The following HACL1 variants were observed in gnomAD, a reference collection of about 807,000 sequenced individuals.
HACL1 encodes 2-hydroxyacyl-CoA lyase 1.
HACL1 carries 64 observed loss-of-function variants against 74.2 expected under a neutral mutation model. That is an observed-to-expected ratio of 0.86 (90% CI 0.70 to 1.06). HACL1 has a LOEUF of 1.06. HACL1 is among the 50% of genes least tolerant of loss of function. The pLI, the probability that HACL1 is intolerant of heterozygous loss-of-function variation, is 0.00. For missense variants in HACL1, 728 were observed against 719.7 expected, an observed-to-expected ratio of 1.01 and a Z score of -0.13; for synonymous variants, 230 against 238.8, an observed-to-expected ratio of 0.96 and a Z score of 0.34.
intron 3 of HACL1, among the ~76,000 whole-genome samples, chr3:15,592,046 C>A (rs1331356794): frequency 8.0e-6 from 1 of 124,810 alleles, no homozygotes; most frequent in Admixed American, 8.1e-5. Context: ...TATATACACA[C>A]ACTATATACG....
chr3:15,592,091 C>CGTATAT (rs1559560820), intron 3 of HACL1, among the ~76,000 whole-genome samples: 2 of 137,708 alleles, frequency 1.5e-5, no homozygotes, highest in African/African-American at 6.1e-5. Context: ...TATATATACA[C>CGTATAT]ACACTATATA....
chr3:15,579,928 A>G lies in HACL1; in HGVS notation c.785T>C (p.Val262Ala). 1 of 1,610,838 alleles carries G rather than the reference A, an allele frequency of 6.2e-7. No homozygotes were observed. The highest frequency in any genetic ancestry group is 1.1e-5 in the South Asian group (1 of 90,642). The change falls in exon 9 of 17, where the codon GTA becomes GCA. Residue 262 changes from valine to alanine, a missense_variant. By Grantham distance (64) the Val-to-Ala change is moderately conservative (BLOSUM62 0). Coordinates refer to ENST00000321169, the MANE Select transcript of HACL1 (RefSeq NM_012260.4). ...GVVPDNHPYCVGAARSRALQF... is the reference protein window; with the variant it reads ...GVVPDNHPYCAGAARSRALQF... The stretch of plus-strand genomic sequence containing the variant: ...CACACACCTGGATCTGGCTGCACCT[A>G]CACAGTATGGATGGTTGTCAGGGAC...
intron 7 of HACL1, among the ~76,000 whole-genome samples, chr3:15,584,390 C>A (rs1446115209): frequency 1.3e-5 from 2 of 152,114 alleles, no homozygotes; most frequent in African/African-American, 4.8e-5. Flanking sequence ...GAGTTCGAGA[C>A]CAGCCTGGCC....
intron 9 of HACL1, among the ~76,000 whole-genome samples, chr3:15,577,557 T>G (rs2063648539): frequency 6.6e-6 from 1 of 150,716 alleles, no homozygotes; most frequent in Admixed American, 6.6e-5. Flanking sequence ...TTGCGAGGCC[T>G]AGAAGGGTGG....
At chr3:15,591,366 G>C (rs906739215) in intron 4 of HACL1, among the ~76,000 whole-genome samples, 2 of 151,940 alleles carry the variant, frequency 1.3e-5, no homozygotes, top group East Asian at 1.9e-4. Context: ...TTGTACATTA[G>C]ATCTCCAGGC....
At chr3:15,592,357 T>C (rs2063939023) in intron 3 of HACL1, among the ~76,000 whole-genome samples, 1 of 137,086 alleles carries the variant, frequency 7.3e-6, no homozygotes, top group Admixed American at 6.9e-5. Flanking sequence ...ATACTCTATA[T>C]ATATGTATAC....
Position 15,573,188 on chromosome 3 carries a change from G to C in HACL1, c.964C>G (p.Leu322Val). The change falls in exon 11 of 17, where the codon CTA (leucine) becomes GTA (valine). Residue 322 changes from leucine (L) to valine (V), a missense_variant. Physicochemically the swap from Leu to Val is conservative, Grantham distance 32. Transcript: ENST00000321169. The stretch of plus-strand genomic sequence containing the variant: ...TTAGTGACAGCATGTATGTTTCCTA[G>C]CAAAGTAACAGCGGGCTTTACATTA... ...GNNVKPAVTL[L>V]GNIHAVTKQL... is the part of the protein sequence containing the mutation. 6.2e-7 allele frequency: 1 copy of C among 1,609,322 alleles called. No homozygotes were observed. The highest frequency in any genetic ancestry group is 8.5e-7 in the Non-Finnish European group (1 of 1,175,812).
intron 8 of HACL1, among the ~76,000 whole-genome samples, chr3:15,580,294 C>T (rs1368876566): frequency 6.6e-6 from 1 of 152,072 alleles, no homozygotes; most frequent in Non-Finnish European, 1.5e-5. Context: ...CCGCACTCAG[C>T]TACTTTTAAA....
At chr3:15,593,126 T>C (rs537196020) in intron 3 of HACL1, among the ~76,000 whole-genome samples, 105 of 133,898 alleles carry the variant, frequency 7.8e-4, no homozygotes, top group South Asian at 2.3e-3. Flanking sequence ...TACACACACA[T>C]ACGTATATAT....
rs746901837 is a variant in HACL1 at position 15,563,400 on chromosome 3, A to G, written c.1662T>C (p.Leu554=). 10 of 1,613,690 alleles carry G rather than the reference A, an allele frequency of 6.2e-6. No homozygotes were observed. The East Asian group carries it at 2.2e-4, about 36-fold the overall frequency. Residue 554 remains leucine (L), a synonymous_variant, in exon 16 of 17, where the codon CTT becomes CTC. Coordinates refer to ENST00000321169, the MANE Select transcript of HACL1 (RefSeq NM_012260.4). ...CTTGTGGCTCAATCATGATGTTGAT[A>G]AGAGAAGGTTTAGTTGTGTCTGCTA... ...QSLADTTKPS[L]INIMIEPQAT...
intron 5 of HACL1, among the ~76,000 whole-genome samples, chr3:15,586,953 T>C (rs2063806048): frequency 6.6e-6 from 1 of 152,222 alleles, no homozygotes; most frequent in African/African-American, 2.4e-5. Context: ...AGCATATCTT[T>C]GGATCCAGCA....
intron 3 of HACL1, among the ~76,000 whole-genome samples, chr3:15,592,186 A>C (rs1051104026): frequency 6.7e-6 from 1 of 150,332 alleles, no homozygotes; most frequent in African/African-American, 2.4e-5. Context: ...ATATATGTAT[A>C]CATACGTATA....
chr3:15,590,031 T>C (rs1459692214), intron 4 of HACL1, among the ~76,000 whole-genome samples: 1 of 150,236 alleles, frequency 6.7e-6, no homozygotes, highest in Admixed American at 6.8e-5. Flanking sequence ...CAAGACTCTG[T>C]CTCAAAAAAA....
intron 2 of HACL1, 48 bp from the exon 3 acceptor site, chr3:15,596,472 T>C (rs1347042258): frequency 1.7e-6 from 2 of 1,148,948 alleles, no homozygotes. Flanking sequence ...ATCCTTATAG[T>C]ACATTTATGA....
intron 9 of HACL1, among the ~76,000 whole-genome samples, chr3:15,578,147 T>C (rs1700823271): frequency 6.9e-6 from 1 of 145,442 alleles, no homozygotes; most frequent in Admixed American, 6.8e-5. Context: ...TATAAAACAA[T>C]GTTAATAACT....
chr3:15,589,950 G>C (rs891646966), intron 4 of HACL1, among the ~76,000 whole-genome samples: 1 of 151,998 alleles, frequency 6.6e-6, no homozygotes, highest in Non-Finnish European at 1.5e-5. Flanking sequence ...TAGAAGAATT[G>C]CTTGAACCTG....
At chr3:15,568,047 T>C (rs2063466292) in intron 13 of HACL1, 45 bp from the exon 14 acceptor site, 4 of 1,555,698 alleles carry the variant, frequency 2.6e-6, no homozygotes, top group Non-Finnish European at 3.5e-6. Context: ...GGGCATGTCA[T>C]AGAGGATGGG....
rs1010302801 is a variant in HACL1, at chr3:15,601,365, C to T, written c.81+18G>A. The stretch of plus-strand genomic sequence containing the variant: ...CAGCTTCCGTAGGAGCCTTTCATTC[C>T]AGGAAGGTCCATCGTACTTGCGTTT... On this transcript the variant is annotated intron_variant, in intron 1 of 16. Coordinates refer to ENST00000321169, the MANE Select transcript of HACL1 (RefSeq NM_012260.4). 7.4e-6 allele frequency: 12 copies of T among 1,613,894 alleles called. No homozygotes were observed. The African/African-American group carries it at 1.5e-4, about 20-fold the overall frequency.
chr3:15,578,779 AG>A (rs1444904313), intron 9 of HACL1, among the ~76,000 whole-genome samples: 1 of 152,188 alleles, frequency 6.6e-6, no homozygotes, highest in Non-Finnish European at 1.5e-5. Flanking sequence ...TGTGGTCTGA[AG>A]AGTATGGGGA....
Sources: allele counts gnomAD v4.1 joint callset (sites outside exome capture counted in the v4.1 genomes callset), GRCh38; gene constraint gnomAD v4.1.1; transcripts MANE v1.5; gene names NCBI Gene and HGNC (gene_info 2026-07-23, HGNC 2026-07-21).